The following MYRFL variants were observed in gnomAD, a reference collection of about 807,000 sequenced individuals.
The protein encoded by MYRFL is myelin regulatory factor like.
MYRFL carries 88 observed loss-of-function variants against 109.4 expected under a neutral mutation model. The ratio of observed to expected loss-of-function variants is 0.80; its 90% CI spans 0.68 to 0.96. The LOEUF is 0.96. MYRFL is among the 40% of genes least tolerant of loss of function. MYRFL has a pLI of 0.00. For synonymous variants in MYRFL, 324 were observed against 320.9 expected, an observed-to-expected ratio of 1.01 and a Z score of -0.10; for missense variants, 957 against 954.9, an observed-to-expected ratio of 1.00 and a Z score of -0.03.
chr12:69,910,065 G>T lies in MYRFL; in HGVS notation c.1480G>T (p.Ala494Ser). 1 of 1,524,006 alleles carries T rather than the reference G, an allele frequency of 6.6e-7. No homozygotes were observed. Among genetic ancestry groups the T allele is most frequent in the Non-Finnish European group, 8.8e-7 (1 of 1,142,654 alleles). 94.4% of individuals were successfully genotyped at this position (1,524,006 alleles called of 1,614,324 possible). ...EFASAMGINT[A>S]HQTGMIAQEV... ...TGCATCTGCAATGGGAATAAACACTGCCCATCAAACAGGTACACACACAAA... is the reference window on the plus strand; with the variant it reads ...TGCATCTGCAATGGGAATAAACACTTCCCATCAAACAGGTACACACACAAA... The change falls in exon 12 of 25, where the codon GCC becomes TCC. Residue 494 changes from alanine to serine, a missense_variant. Transcript: ENST00000552032.
At chr12:69,939,820 A>T (rs1344536865) in intron 19 of MYRFL, among the ~76,000 whole-genome samples, 1 of 152,164 alleles carries the variant, frequency 6.6e-6, no homozygotes, top group Non-Finnish European at 1.5e-5. Flanking sequence ...ATGTATGACT[A>T]GAATAACCAA....
At chr12:69,877,755 T>C (rs1426793551) in intron 2 of MYRFL, among the ~76,000 whole-genome samples, 1 of 152,170 alleles carries the variant, frequency 6.6e-6, no homozygotes, top group Non-Finnish European at 1.5e-5. Flanking sequence ...AAAAGCAAGC[T>C]TTTCATCGTA....
At chr12:69,933,830 C>CTAAT (rs1486454880) in intron 16 of MYRFL, among the ~76,000 whole-genome samples, 3 of 150,448 alleles carry the variant, frequency 2.0e-5, no homozygotes, top group Admixed American at 6.7e-5. Flanking sequence ...TATAAGAAGT[C>CTAAT]TAATTGTAAG....
At chr12:69,845,791 CGAA>C (rs1415881087) in intron 1 of MYRFL, among the ~76,000 whole-genome samples, 11 of 62,782 alleles carry the variant, frequency 1.8e-4, no homozygotes, top group Admixed American at 3.9e-4. Flanking sequence ...TTGGGAAAAG[CGAA>C]AAAAAAAAAA....
At chr12:69,942,587 T>G in intron 19 of MYRFL, among the ~76,000 whole-genome samples, 2 of 146,818 alleles carry the variant, frequency 1.4e-5, no homozygotes, top group Non-Finnish European at 3.0e-5. Flanking sequence ...TCATACTGAA[T>G]GGGCAAAAAC....
At chr12:69,929,142 A>G (rs183518156) in intron 15 of MYRFL, among the ~76,000 whole-genome samples, 1 of 152,304 alleles carries the variant, frequency 6.6e-6, no homozygotes, top group East Asian at 1.9e-4. Flanking sequence ...CAGAAGTATG[A>G]CAACTTAAAT....
In MYRFL at chr12:69,926,049, G is replaced by T. The variant is rs146649773; in HGVS notation, c.1603-522G>T. On this transcript the variant is annotated intron_variant, in intron 13 of 24. Transcript: ENST00000552032. ...AGGGAGAACTAGAGTCATTTTCTATGAATTTTGGTTATGAACAGACAATTC... is the reference window on the plus strand; with the variant it reads ...AGGGAGAACTAGAGTCATTTTCTATTAATTTTGGTTATGAACAGACAATTC... 8.8e-3 allele frequency among the ~76,000 whole-genome samples: 1,192 copies of T among 134,994 alleles called. 7 individuals are homozygous for T. The highest frequency in any genetic ancestry group is 0.013 in the Non-Finnish European group (855 of 67,418). The allele number at this position is 134,994 out of a possible 152,430, so 88.6% of individuals were successfully genotyped here.
chr12:69,847,317 C>T lies in MYRFL; in HGVS notation c.47-7963C>T, dbSNP rs544306474. ...GAGAGCATATGCCCCAATTATGCCA[C>T]CTCTTTACTAAGGATTGTCAATCCA... On this transcript the variant is annotated intron_variant, in intron 1 of 24. Transcript: ENST00000552032. 2.6e-5 allele frequency among the ~76,000 whole-genome samples: 4 copies of T among 152,278 alleles called. No individual in the cohort carries two copies. The East Asian group carries it at 7.7e-4, about 29-fold the overall frequency.
intron 19 of MYRFL, among the ~76,000 whole-genome samples, chr12:69,947,857 G>C (rs550860999): frequency 6.6e-6 from 1 of 152,238 alleles, no homozygotes; most frequent in African/African-American, 2.4e-5. Context: ...TGCTGTACTG[G>C]ACTCAGCCAG....
intron 2 of MYRFL, among the ~76,000 whole-genome samples, chr12:69,861,618 G>GT (rs1884673919): frequency 6.6e-6 from 1 of 152,090 alleles, no homozygotes. Context: ...TTGTAAATTT[G>GT]TTTGAGTTCA....
intron 15 of MYRFL, among the ~76,000 whole-genome samples, chr12:69,928,767 A>G (rs1422821196): frequency 2.0e-5 from 3 of 152,172 alleles, no homozygotes; most frequent in African/African-American, 7.2e-5. Flanking sequence ...GGGGAGCTAA[A>G]GCTCTTTGCA....
At chr12:69,874,528 A>G (rs981786987) in intron 2 of MYRFL, among the ~76,000 whole-genome samples, 7 of 152,184 alleles carry the variant, frequency 4.6e-5, no homozygotes, top group Non-Finnish European at 8.8e-5. Flanking sequence ...ATTCAATAAT[A>G]TATCATTTTT....
Position 69,829,699 on chromosome 12 carries a change from G to A in MYRFL, c.46+4136G>A, listed in dbSNP as rs7953743. 4.3e-3 allele frequency among the ~76,000 whole-genome samples: 654 copies of A among 152,220 alleles called. 4 individuals carry two copies. The highest frequency in any genetic ancestry group is 0.015 in the African/African-American group (610 of 41,536). On this transcript the variant is annotated intron_variant, in intron 1 of 24. Transcript: ENST00000552032. ...AACTTGCCCAGTAGCAGAATGGTCC[G>A]GTGAATAGAACAGAGATGTTGATAG... is the stretch of plus-strand genomic sequence containing the variant.
At chr12:69,954,903 T>C (rs1003745634) in intron 21 of MYRFL, among the ~76,000 whole-genome samples, 3 of 152,224 alleles carry the variant, frequency 2.0e-5, no homozygotes, top group African/African-American at 7.2e-5. Flanking sequence ...ATTCAGATTC[T>C]AAAAGTACCT....
chr12:69,831,641 A>T (rs1240268093), intron 1 of MYRFL, among the ~76,000 whole-genome samples: 1 of 152,208 alleles, frequency 6.6e-6, no homozygotes, highest in African/African-American at 2.4e-5. Context: ...TGCCTGGCAC[A>T]GAGAGACAGT....
chr12:69,875,888 C>G (rs1045098025), intron 2 of MYRFL, among the ~76,000 whole-genome samples: 4 of 152,156 alleles, frequency 2.6e-5, no homozygotes, highest in African/African-American at 7.2e-5. Context: ...TTGTGAATGG[C>G]TGGATTCTTT....
intron 19 of MYRFL, among the ~76,000 whole-genome samples, chr12:69,942,188 G>C (rs1480764639): frequency 7.8e-6 from 1 of 127,678 alleles, no homozygotes; most frequent in African/African-American, 3.0e-5. Flanking sequence ...CATTTTATGA[G>C]GCCAGCATCA....
rs945999164 is a variant in MYRFL at position 69,952,155 on chromosome 12, G to A, written c.2267G>A (p.Gly756Asp). The change falls in exon 20 of 25, where the codon GGC (glycine) becomes GAC (aspartate). Residue 756 changes from glycine (G) to aspartate (D), a missense_variant. Physicochemically the swap from Gly to Asp is moderately conservative, Grantham distance 94. Coordinates refer to ENST00000552032, the MANE Select transcript of MYRFL (RefSeq NM_182530.3). ...KSVLARNALS[G>D]PDWESDWIDT... ...GTTTTGGCAAGAAATGCACTCAGCG[G>A]CCCTGACTGGGAGAGTGACTGTAAG... 11 of 1,536,098 alleles carry A rather than the reference G, an allele frequency of 7.2e-6. No individual in the cohort carries two copies. In the Admixed American group the frequency reaches 1.2e-4, roughly 16 times the overall value.
rs151001367 is a variant in MYRFL at position 69,847,879 on chromosome 12, A to G, written c.47-7401A>G. 2.0e-4 allele frequency among the ~76,000 whole-genome samples: 30 copies of G among 152,294 alleles called. No individual in the cohort carries two copies. The East Asian group carries it at 5.4e-3, about 27-fold the overall frequency. ...AGTCTGAAAAAATCAATTTTTATGT[A>G]GTCAAATTTATAGACTTTTTTTCTG... On this transcript the variant is annotated intron_variant, in intron 1 of 24. Transcript: ENST00000552032.
Sources: gnomAD v4.1 joint callset for allele counts (sites outside exome capture counted in the v4.1 genomes callset) on GRCh38, gnomAD v4.1.1 for gene constraint, MANE v1.5 for transcripts, NCBI Gene and HGNC (gene_info 2026-07-23, HGNC 2026-07-21) for gene names.